The following MYH11 variants were observed in gnomAD, a reference collection of about 807,000 sequenced individuals.
The protein encoded by MYH11 is myosin heavy chain 11.
MYH11 carries 80 observed loss-of-function variants against 246.6 expected under a neutral mutation model. That is an observed-to-expected ratio of 0.32 (90% CI 0.27 to 0.39). The LOEUF is 0.39. MYH11 is among the 10% of genes least tolerant of loss of function. The pLI is 1.00. For synonymous variants in MYH11, 1,071 were observed against 1,015.5 expected, an observed-to-expected ratio of 1.05 and a Z score of -1.04; for missense variants, 2,158 against 2,546.8, an observed-to-expected ratio of 0.85 and a Z score of 3.29.
At position 15,724,731 on chromosome 16, in the gene MYH11, C is replaced by T. The variant is rs1036466264; in HGVS notation, c.4032G>A (p.Glu1344=). 2 of 1,614,208 alleles carry T rather than the reference C, an allele frequency of 1.2e-6. No individual in the cohort carries two copies. The highest frequency in any genetic ancestry group is 3.3e-5 in the Admixed American group (2 of 60,028). ...VSTKLRQLEE[E]RNSLQDQLDE... ...CCAGCTGGTCTTGCAGGCTGTTCCG[C>T]TCCTCCTCCAGCTGGCGCAGCTTCG... is the stretch of plus-strand genomic sequence containing the variant. The change falls in exon 30 of 41, where the codon GAG becomes GAA. Residue 1344 remains glutamate, a synonymous_variant. Transcript: ENST00000300036.
At chr16:15,753,330 G>C in intron 15 of MYH11, 64 bp downstream of exon 15, 1 of 1,440,868 alleles carries the variant, frequency 6.9e-7, no homozygotes, top group African/African-American at 1.4e-5. Context: ...TGAGAGTCGG[G>C]GGACTTGGGT....
chr16:15,732,351 C>T (rs549810590), intron 27 of MYH11: 3 of 680,506 alleles, frequency 4.4e-6, no homozygotes, highest in Non-Finnish European at 7.5e-6. Flanking sequence ...CCTCCCGCCT[C>T]AGCCTCCCCA....
chr16:15,776,901 G>A (rs4262965), intron 7 of MYH11, among the ~76,000 whole-genome samples: 28,861 of 152,038 alleles, frequency 0.19, 2,848 homozygotes, highest in East Asian at 0.29. Flanking sequence ...GAGGGCAGCT[G>A]GGAGGCTGGG....
intron 3 of MYH11, among the ~76,000 whole-genome samples, chr16:15,813,197 T>A (rs2043181072): frequency 6.6e-6 from 1 of 151,772 alleles, no homozygotes; most frequent in African/African-American, 2.4e-5. Flanking sequence ...CAGTTGTTTT[T>A]TTTTAATTAG....
At chr16:15,769,167 T>C (rs1199627328) in intron 9 of MYH11, among the ~76,000 whole-genome samples, 1 of 151,470 alleles carries the variant, frequency 6.6e-6, no homozygotes, top group East Asian at 1.9e-4. Context: ...ACAAAAAAAA[T>C]TAGTGGGGCA....
chr16:15,763,621 T>G (rs890581515), intron 10 of MYH11, among the ~76,000 whole-genome samples, 175 bp downstream of exon 10: 31 of 152,228 alleles, frequency 2.0e-4, no homozygotes, highest in Non-Finnish European at 3.7e-4. Context: ...TCAATAACTT[T>G]CCACATAGGG....
At chr16:15,743,982 A>G (rs373506841) in intron 20 of MYH11, among the ~76,000 whole-genome samples, 1 of 152,124 alleles carries the variant, frequency 6.6e-6, no homozygotes, top group East Asian at 1.9e-4. Context: ...AAAAAATAAT[A>G]TGCTATGGCC....
Position 15,732,709 on chromosome 16 carries a change from C to T in MYH11, c.3507-1G>A. The T allele has an allele frequency of 6.2e-7, 1 of 1,614,202 alleles. No homozygotes were observed. The highest frequency in any genetic ancestry group is 8.5e-7 in the Non-Finnish European group (1 of 1,180,050). On this transcript the variant is annotated splice_acceptor_variant, in intron 26 of 40. Transcript: ENST00000300036. LOFTEE classifies it high-confidence loss of function. ...CGTCACCTCCTGCTCCCTCTTGGCC[C>T]TTGGTGGGAGGAACACAGTGAATGG...
At position 15,740,682 on chromosome 16, in the gene MYH11, AATG is replaced by A. The variant is rs1298618439; in HGVS notation, c.2860-497_2860-495del. On this transcript the variant is annotated intron_variant, in intron 22 of 40. Coordinates refer to ENST00000300036, the MANE Select transcript of MYH11 (RefSeq NM_002474.3). ...GGAACCTCAACCTCCTCATCTATAA[AATG>A]AGCACAGTAGGTACCATGGTGGTTT... Among the ~76,000 whole-genome samples the A allele has an allele frequency of 7.0e-4, 106 of 152,126 alleles. 1 individual carries two copies. The highest frequency in any genetic ancestry group is 1.5e-4 in the Non-Finnish European group (10 of 68,004).
At chr16:15,759,761 C>T in intron 11 of MYH11, 33 bp from the exon 12 acceptor site, 2 of 1,612,572 alleles carry the variant, frequency 1.2e-6, no homozygotes, top group Non-Finnish European at 1.7e-6. Context: ...CCCGGTTATT[C>T]TCAATGGGCT....
intron 26 of MYH11, among the ~76,000 whole-genome samples, chr16:15,734,221 G>A (rs1333196459): frequency 6.6e-6 from 1 of 152,182 alleles, no homozygotes; most frequent in Non-Finnish European, 1.5e-5. Context: ...GGAGCTTGGG[G>A]ACTGACTGAT....
chr16:15,856,213 T>C (rs1338948622), intron 1 of MYH11, among the ~76,000 whole-genome samples: 1 of 142,022 alleles, frequency 7.0e-6, no homozygotes, highest in Non-Finnish European at 1.5e-5. Context: ...TCAACCTGGG[T>C]GAGTTGTTTT....
In MYH11 at chr16:15,753,474, T is replaced by C; in HGVS notation, c.1784A>G (p.Asn595Ser). 1 of 1,614,116 alleles carries C rather than the reference T, an allele frequency of 6.2e-7. No individual in the cohort carries two copies. The highest frequency in any genetic ancestry group is 8.5e-7 in the Non-Finnish European group (1 of 1,180,024). Reference sequence around the variant, plus strand: ...CACGTTGTCATTCAGCGGGTCCATATTCTTGGTCAGCCAGGCACTCGCATT... The same window carrying C: ...CACGTTGTCATTCAGCGGGTCCATACTCTTGGTCAGCCAGGCACTCGCATT... ...DYNASAWLTK[N>S]MDPLNDNVTS... Residue 595 changes from asparagine to serine, a missense_variant, in exon 15 of 41, where the codon AAT becomes AGT. Asn to Ser is a conservative substitution (Grantham distance 46, BLOSUM62 1). This residue lies in a region of MYH11 where 317 missense variants were observed against 507.7 expected (regional missense o/e 0.62). Transcript: ENST00000300036.
chr16:15,851,997 A>G (rs991576773), intron 1 of MYH11, among the ~76,000 whole-genome samples: 7 of 152,144 alleles, frequency 4.6e-5, no homozygotes, highest in Non-Finnish European at 8.8e-5. Context: ...GTGCTGCAGT[A>G]TCAGTCAATG....
intron 1 of MYH11, among the ~76,000 whole-genome samples, chr16:15,841,431 C>T (rs1194729879): frequency 3.3e-5 from 5 of 152,198 alleles, no homozygotes; most frequent in Non-Finnish European, 7.3e-5. Context: ...AGCCACTGTG[C>T]CCAGCCCCAA....
At chr16:15,832,943 CTTTTTTTTTTTTTTTTTTTTTTTTT>C (rs780380104) in intron 2 of MYH11, among the ~76,000 whole-genome samples, 2 of 55,340 alleles carry the variant, frequency 3.6e-5, no homozygotes, top group Non-Finnish European at 6.4e-5. Context: ...GCAACCTCAT[CTTTTTTTTTTTTTTTTTTTTTTTTT>C]TTTTTTTTTT....
chr16:15,842,364 TG>T (rs1188280877), intron 1 of MYH11, among the ~76,000 whole-genome samples: 1 of 151,650 alleles, frequency 6.6e-6, no homozygotes, highest in Non-Finnish European at 1.5e-5. Flanking sequence ...CACTCCAGCC[TG>T]GGCAGTAAGA....
intron 2 of MYH11, among the ~76,000 whole-genome samples, chr16:15,833,709 G>A (rs950021437): frequency 6.6e-6 from 1 of 152,172 alleles, no homozygotes. Context: ...GAACGGAGGA[G>A]AAAGTTTATC....
chr16:15,725,536 C>A, intron 28 of MYH11: 1 of 415,658 alleles, frequency 2.4e-6, no homozygotes, highest in Non-Finnish European at 4.2e-6. Context: ...GCTTTTACTC[C>A]CTAGTGTCTC....
Sources: gnomAD v4.1 joint callset for allele counts (sites outside exome capture counted in the v4.1 genomes callset) on GRCh38, gnomAD v4.1.1 for gene constraint, gnomAD v4.1.1 regional missense constraint, MANE v1.5 for transcripts, NCBI Gene and HGNC (gene_info 2026-07-23, HGNC 2026-07-21) for gene names.